ZBTB48: variants seen among roughly 807,000 people sequenced by gnomAD.
The protein encoded by ZBTB48 is zinc finger and BTB domain containing 48, also known as zinc finger and BTB domain-containing protein 48.
A neutral mutation model predicts 64.5 loss-of-function variants in ZBTB48; 35 were observed. That is an observed-to-expected ratio of 0.54 (90% CI 0.41 to 0.72). The LOEUF (loss-of-function observed/expected upper bound fraction) is 0.72, where lower values mean the gene tolerates loss of function less well. Among genes scored for constraint, ZBTB48 ranks in the 30% least tolerant of loss-of-function variants. The pLI is 0.00. For missense variants in ZBTB48, 828 were observed against 895.3 expected (o/e 0.92, Z 0.96); for synonymous variants, 442 against 356.7 (o/e 1.24, Z -2.70).
chr1:6,581,252 A>T lies in ZBTB48; in HGVS notation c.643A>T (p.Arg215Trp). 1 of 1,610,974 alleles carries T rather than the reference A, an allele frequency of 6.2e-7. No homozygotes were observed. The highest frequency in any genetic ancestry group is 8.5e-7 in the Non-Finnish European group (1 of 1,179,146). ...KKPEDCKVPP[R>W]PLEAEGAQLQ... ...ACCCGAGGACTGCAAAGTGCCCCCA[A>T]GGCCCTTAGAGGCTGAAGGTGCCCA... Residue 215 changes from arginine to tryptophan, a missense_variant, in exon 2 of 11, where the codon AGG becomes TGG. Transcript: ENST00000377674.
chr1:6,581,366 AG>A, intron 2 of ZBTB48, 67 bp downstream of exon 2: 1 of 1,463,232 alleles, frequency 6.8e-7, no homozygotes, highest in Non-Finnish European at 9.0e-7. Context: ...TTGGTATAAT[AG>A]GGACCCTGGG....
At chr1:6,583,413 GTC>G (rs1232142194) in intron 3 of ZBTB48, among the ~76,000 whole-genome samples, 1 of 152,058 alleles carries the variant, frequency 6.6e-6, no homozygotes, top group African/African-American at 2.4e-5. Flanking sequence ...CGATTCTCCT[GTC>G]TCAGCCTCCC....
intron 5 of ZBTB48, 78 bp downstream of exon 5, chr1:6,586,865 T>C: frequency 1.3e-6 from 2 of 1,487,072 alleles, no homozygotes; most frequent in Non-Finnish European, 1.8e-6. Flanking sequence ...CGTGGGGTGC[T>C]GTCAGGCACC....
chr1:6,588,240 C>T (rs1190723206), intron 8 of ZBTB48, 38 bp from the exon 9 acceptor site: 2 of 1,612,166 alleles, frequency 1.2e-6, no homozygotes, highest in Non-Finnish European at 1.7e-6. Flanking sequence ...CATCCTGAGG[C>T]CAAGGCCACA....
At chr1:6,583,303 TTTTA>T (rs1478246773) in intron 3 of ZBTB48, among the ~76,000 whole-genome samples, 2 of 151,468 alleles carry the variant, frequency 1.3e-5, no homozygotes, top group African/African-American at 4.9e-5. Context: ...TTGTTTTTCA[TTTTA>T]TTTTATTTTT....
intron 9 of ZBTB48, 94 bp from the exon 10 acceptor site, chr1:6,588,662 C>T (rs184791368): frequency 3.2e-6 from 5 of 1,555,920 alleles, no homozygotes; most frequent in Admixed American, 1.8e-5. Flanking sequence ...AACCACTGGT[C>T]CCCTCCCTTG....
intron 3 of ZBTB48, 42 bp downstream of exon 3, chr1:6,582,341 T>A: frequency 1.3e-6 from 2 of 1,592,314 alleles, no homozygotes; most frequent in Non-Finnish European, 1.7e-6. Context: ...TGTCTGCCAT[T>A]CCCACGTTGG....
intron 3 of ZBTB48, 117 bp downstream of exon 3, chr1:6,582,416 C>CTATGTGGGTCTGAG: frequency 2.2e-6 from 3 of 1,346,940 alleles, no homozygotes; most frequent in Middle Eastern, 1.9e-4. Flanking sequence ...CTCAGACCCA[C>CTATGTGGGTCTGAG]ATAGTGTCTG....
chr1:6,585,770 G>C (rs1640638704), intron 3 of ZBTB48, 149 bp from the exon 4 acceptor site: 1 of 682,716 alleles, frequency 1.5e-6, no homozygotes, highest in Non-Finnish European at 2.5e-6. Context: ...CCATGCTGGG[G>C]GAGGCTTCTG....
intron 5 of ZBTB48, 126 bp downstream of exon 5, chr1:6,586,913 C>A: frequency 9.3e-7 from 1 of 1,073,652 alleles, no homozygotes. Context: ...GCCTTCCCTG[C>A]CTTCCCTGCC....
chr1:6,587,920 T>C, intron 7 of ZBTB48, 140 bp from the exon 8 acceptor site: 1 of 1,254,068 alleles, frequency 8.0e-7, no homozygotes, highest in South Asian at 1.5e-5. Flanking sequence ...AGATTGTCCT[T>C]CTGCTCTCGG....
rs1640665799 is a variant in ZBTB48 at position 6,586,340 on chromosome 1, C to T, written c.1044+310C>T. The T allele has an allele frequency of 8.1e-6, 4 of 491,194 alleles. No individual in the cohort carries two copies. In the South Asian group the frequency reaches 1.1e-4, roughly 14 times the overall value. The allele number at this position is 491,194 out of a possible 1,614,324, so 30.4% of individuals were successfully genotyped here. A position where few individuals can be genotyped will look rare whatever the true frequency, so the allele number is the denominator to read the frequency against. On this transcript the variant is annotated intron_variant, in intron 4 of 10. Transcript: ENST00000377674. Reference sequence around the variant, plus strand: ...TACAGGGGATGGCAGCTGGGAAAGGCCCCCTGGCCACCCCCAGCAACCCCA... The same window carrying T: ...TACAGGGGATGGCAGCTGGGAAAGGTCCCCTGGCCACCCCCAGCAACCCCA...
At chr1:6,581,330 G>C (rs1640448021) in intron 2 of ZBTB48, 31 bp downstream of exon 2, 1 of 1,542,986 alleles carries the variant, frequency 6.5e-7, no homozygotes, top group South Asian at 1.2e-5. Flanking sequence ...GGACTGGGGA[G>C]ACAAATAGAG....
chr1:6,582,371 C>G, intron 3 of ZBTB48, 72 bp downstream of exon 3: 1 of 1,560,122 alleles, frequency 6.4e-7, no homozygotes, highest in Non-Finnish European at 8.7e-7. Context: ...CCTGCACTTC[C>G]CACTTCTGGG....
rs1326366779 is a variant in ZBTB48, at chr1:6,581,241, A to G, written c.632A>G (p.Lys211Arg). The G allele has an allele frequency of 5.0e-6, 8 of 1,612,460 alleles. No homozygotes were observed. The highest frequency in any genetic ancestry group is 6.8e-6 in the Non-Finnish European group (8 of 1,179,834). ...PLEDKKPEDC[K>R]VPPRPLEAEG... ...GAGGACAAGAAACCCGAGGACTGCA[A>G]AGTGCCCCCAAGGCCCTTAGAGGCT... Residue 211 changes from lysine to arginine, a missense_variant, in exon 2 of 11, where the codon AAA becomes AGA. Coordinates refer to ENST00000377674, the MANE Select transcript of ZBTB48 (RefSeq NM_005341.4).
intron 5 of ZBTB48, 30 bp from the exon 6 acceptor site, chr1:6,587,175 C>T (rs1176821799): frequency 6.2e-7 from 1 of 1,613,412 alleles, no homozygotes; most frequent in East Asian, 2.2e-5. Context: ...TGCAGGCCGC[C>T]CTGGAGGTGA....
intron 7 of ZBTB48, among the ~76,000 whole-genome samples, 197 bp downstream of exon 7, chr1:6,587,829 C>T (rs1207728856): frequency 6.6e-6 from 1 of 152,170 alleles, no homozygotes; most frequent in Non-Finnish European, 1.5e-5. Flanking sequence ...AGGCTGGGGG[C>T]AGATGTTTCA....
In ZBTB48 at chr1:6,589,174, A is replaced by C; in HGVS notation, c.2029A>C (p.Ile677Leu). The C allele has an allele frequency of 6.5e-7, 1 of 1,544,122 alleles. No homozygotes were observed. The highest frequency in any genetic ancestry group is 8.7e-7 in the Non-Finnish European group (1 of 1,149,182). The part of the protein sequence containing the change: ...TGPGVLEPSL[I>L]ITAAVPEDCD... ...CCCAGGTGTCCTGGAGCCCTCCCTC[A>C]TCATCACAGCTGCTGTCCCCGAGGA... Residue 677 changes from isoleucine to leucine, a missense_variant, in exon 11 of 11, where the codon ATC becomes CTC. Ile to Leu is a conservative substitution (Grantham distance 5, BLOSUM62 2). Transcript: ENST00000377674.
chr1:6,581,209 TC>T lies in ZBTB48; in HGVS notation c.604del (p.Glu203ArgfsTer15). On this transcript the variant is annotated frameshift_variant, in exon 2 of 11. Coordinates refer to ENST00000377674, the MANE Select transcript of ZBTB48 (RefSeq NM_005341.4). LOFTEE classifies it high-confidence loss of function. ...GKLKQALKPC[P>X]LEDKKPEDCK... Reference sequence around the variant, plus strand: ...AACTGAAGCAGGCCTTGAAGCCTTGTCCCCTTGAGGACAAGAAACCCGAGGA... The same window carrying T: ...AACTGAAGCAGGCCTTGAAGCCTTGTCCCTTGAGGACAAGAAACCCGAGGA... 1 of 1,613,316 alleles carries T rather than the reference TC, an allele frequency of 6.2e-7. No homozygotes were observed. The highest frequency in any genetic ancestry group is 8.5e-7 in the Non-Finnish European group (1 of 1,180,006).
Sources: gnomAD v4.1 joint callset for allele counts (sites outside exome capture counted in the v4.1 genomes callset) on GRCh38, gnomAD v4.1.1 for gene constraint, MANE v1.5 for transcripts, NCBI Gene and HGNC (gene_info 2026-07-23, HGNC 2026-07-21) for gene names.